AADACL4: variants seen among roughly 807,000 people sequenced by gnomAD.
AADACL4 encodes arylacetamide deacetylase-like 4.
In AADACL4, 9 loss-of-function variants were observed where a neutral mutation model predicts 14.1. The observed-to-expected ratio is 0.64, with a 90% CI of 0.39 to 1.12. The LOEUF (loss-of-function observed/expected upper bound fraction) is 1.12, where lower values mean the gene tolerates loss of function less well. AADACL4 is among the 50% of genes most tolerant of loss of function. The pLI is 0.01. For synonymous variants in AADACL4, 188 were observed against 201.6 expected (o/e 0.93, Z 0.57); for missense variants, 531 against 516.1 (o/e 1.03, Z -0.28).
chr1:12,658,097 TTCTC>T (rs747258829), intron 2 of AADACL4, among the ~76,000 whole-genome samples: 2 of 130,204 alleles, frequency 1.5e-5, no homozygotes, highest in Admixed American at 7.6e-5. Flanking sequence ...TTCTCTTTCT[TTCTC>T]TCTTTCTTTC....
At chr1:12,661,447 T>A (rs1317079674) in intron 2 of AADACL4, among the ~76,000 whole-genome samples, 2 of 152,196 alleles carry the variant, frequency 1.3e-5, no homozygotes, top group African/African-American at 4.8e-5. Flanking sequence ...AATATAAATT[T>A]ATAGTTATTA....
intron 2 of AADACL4, among the ~76,000 whole-genome samples, chr1:12,652,642 T>G (rs1475933323): frequency 6.6e-6 from 1 of 152,196 alleles, no homozygotes; most frequent in Non-Finnish European, 1.5e-5. Flanking sequence ...AATGCTACCT[T>G]TATGCATTTC....
At chr1:12,658,166 T>TTCTTTCTTTCTTTTTTTCTTTCTTTC (rs368484346) in intron 2 of AADACL4, among the ~76,000 whole-genome samples, 2 of 122,826 alleles carry the variant, frequency 1.6e-5, no homozygotes, top group African/African-American at 9.7e-5. Flanking sequence ...CTTTCTTTCT[T>TTCTTTCTTTCTTTTTTTCTTTCTTTC]TTTCTCTTTC....
rs889538994 is a variant in AADACL4, at chr1:12,661,956, C to T, written c.449+102C>T. On this transcript the variant is annotated intron_variant, in intron 3 of 3. Coordinates refer to ENST00000376221, the MANE Select transcript of AADACL4 (RefSeq NM_001013630.2). ...CAGAGAGGCCCTAACTCCCAAGAGGCAACTCTTGGACATGCATCCACAGAG... is the reference window on the plus strand; with the variant it reads ...CAGAGAGGCCCTAACTCCCAAGAGGTAACTCTTGGACATGCATCCACAGAG... 3 of 1,290,142 alleles carry T rather than the reference C, an allele frequency of 2.3e-6. No homozygotes were observed. In the African/African-American group the frequency reaches 4.4e-5, roughly 19 times the overall value. 79.9% of individuals were successfully genotyped at this position (1,290,142 alleles called of 1,614,324 possible).
chr1:12,651,184 A>G lies in AADACL4; in HGVS notation c.230A>G (p.Asp77Gly). Residue 77 changes from aspartate to glycine, a missense_variant, in exon 2 of 4, where the codon GAT becomes GGT. Transcript: ENST00000376221. The stretch of plus-strand genomic sequence containing the variant: ...CCCAAATTTATTCGTTTTTTACATG[A>G]TAGCGTGAGAATTAAAAAGGACCCT... ...SMPKFIRFLH[D>G]SVRIKKDPEL... The G allele has an allele frequency of 6.2e-7, 1 of 1,614,208 alleles. No individual in the cohort carries two copies. Among genetic ancestry groups the G allele is most frequent in the Non-Finnish European group, 8.5e-7 (1 of 1,180,046 alleles).
At position 12,651,313 on chromosome 1, in the gene AADACL4, G is replaced by C. The variant is rs1647144442; in HGVS notation, c.359G>C (p.Gly120Ala). The C allele has an allele frequency of 6.2e-7, 1 of 1,614,214 alleles. No individual in the cohort carries two copies. The highest frequency in any genetic ancestry group is 2.2e-5 in the East Asian group (1 of 44,886). The change falls in exon 2 of 4, where the codon GGA (glycine) becomes GCA (alanine). Residue 120 changes from glycine (G) to alanine (A), a missense_variant. By Grantham distance (60) the Gly-to-Ala change is moderately conservative (BLOSUM62 0). Coordinates refer to ENST00000376221, the MANE Select transcript of AADACL4 (RefSeq NM_001013630.2). ...CGGCGAGGCATCATCTTCTACCATG[G>C]AGGGGCCACAGTATTTGGGAGCCTG... ...RPRRGIIFYH[G>A]GATVFGSLDC...
At chr1:12,648,369 C>T (rs1333750478) in intron 1 of AADACL4, among the ~76,000 whole-genome samples, 1 of 149,350 alleles carries the variant, frequency 6.7e-6, no homozygotes, top group Non-Finnish European at 1.5e-5. Context: ...TCCTTCCTTC[C>T]TTCCTTCCTT....
At chr1:12,658,127 C>CGTT (rs1557550825) in intron 2 of AADACL4, among the ~76,000 whole-genome samples, 1 of 119,448 alleles carries the variant, frequency 8.4e-6, no homozygotes, top group Non-Finnish European at 1.6e-5. Flanking sequence ...TTCCTTCCTT[C>CGTT]CTTCCTTCCT....
chr1:12,662,134 A>G (rs1647238794), intron 3 of AADACL4, among the ~76,000 whole-genome samples: 1 of 152,242 alleles, frequency 6.6e-6, no homozygotes, highest in East Asian at 1.9e-4. Context: ...TAAATAAATG[A>G]ACTAGAAAGG....
chr1:12,666,818 G>A lies in AADACL4; in HGVS notation c.*83G>A, dbSNP rs1647351622. 7.4e-7 allele frequency: 1 copy of A among 1,350,934 alleles called. No homozygotes were observed. The highest frequency in any genetic ancestry group is 1.5e-5 in the African/African-American group (1 of 68,402). The allele number at this position is 1,350,934 out of a possible 1,614,324, so 83.7% of individuals were successfully genotyped here. A position where few individuals can be genotyped will look rare whatever the true frequency, so the allele number is the denominator to read the frequency against. On this transcript the variant is annotated 3_prime_UTR_variant, in exon 4 of 4. Coordinates refer to ENST00000376221, the MANE Select transcript of AADACL4 (RefSeq NM_001013630.2). Reference sequence around the variant, plus strand: ...GTGCTTTAGTGAGTTCTATTTTATTGACTAAAGAGGTGCTACATCAATGCT... The same window carrying A: ...GTGCTTTAGTGAGTTCTATTTTATTAACTAAAGAGGTGCTACATCAATGCT...
At chr1:12,652,279 C>T (rs1463953353) in intron 2 of AADACL4, among the ~76,000 whole-genome samples, 4 of 152,216 alleles carry the variant, frequency 2.6e-5, no homozygotes, top group East Asian at 1.9e-4. Flanking sequence ...TCCCAATACG[C>T]GTCTATCTGC....
At chr1:12,647,659 CT>C (rs113499990) in intron 1 of AADACL4, among the ~76,000 whole-genome samples, 5,447 of 143,776 alleles carry the variant, frequency 0.038, 266 homozygotes, top group African/African-American at 0.12. Context: ...TTCTTTCTTT[CT>C]TTTTTTTTTT....
intron 1 of AADACL4, among the ~76,000 whole-genome samples, chr1:12,650,693 CA>C (rs763296690): frequency 3.4e-4 from 52 of 152,216 alleles, no homozygotes; most frequent in Middle Eastern, 3.4e-3. Context: ...CCACCATGCC[CA>C]GCTGATTTTT....
At chr1:12,655,993 C>T (rs760005302) in intron 2 of AADACL4, among the ~76,000 whole-genome samples, 2 of 152,098 alleles carry the variant, frequency 1.3e-5, no homozygotes, top group African/African-American at 2.4e-5. Context: ...GGCCATTGCA[C>T]CCTATTTTCC....
intron 1 of AADACL4, among the ~76,000 whole-genome samples, chr1:12,650,501 G>A (rs1242468989): frequency 6.6e-6 from 1 of 151,506 alleles, no homozygotes; most frequent in Non-Finnish European, 1.5e-5. Flanking sequence ...GAGGGAAGTT[G>A]CTGGCCAGTT....
intron 3 of AADACL4, 83 bp downstream of exon 3, chr1:12,661,937 G>A: frequency 6.9e-7 from 1 of 1,450,026 alleles, no homozygotes; most frequent in South Asian, 1.1e-5. Context: ...AGATCAGAGA[G>A]GCCCTAACTC....
intron 3 of AADACL4, among the ~76,000 whole-genome samples, chr1:12,662,853 A>T (rs1647251196): frequency 6.6e-6 from 1 of 152,176 alleles, no homozygotes. Context: ...GTGGCTTACC[A>T]TTGTGTCTGA....
chr1:12,659,194 G>C (rs780604305), intron 2 of AADACL4, among the ~76,000 whole-genome samples: 1 of 152,172 alleles, frequency 6.6e-6, no homozygotes, highest in Non-Finnish European at 1.5e-5. Flanking sequence ...ACAGTCTCTA[G>C]CTGGATCTGT....
chr1:12,648,880 T>C (rs968170080), intron 1 of AADACL4, among the ~76,000 whole-genome samples: 2 of 152,178 alleles, frequency 1.3e-5, no homozygotes, highest in Non-Finnish European at 2.9e-5. Context: ...CATCACACGG[T>C]ACAGCGTGAT....
Sources: gnomAD v4.1 joint callset for allele counts (sites outside exome capture counted in the v4.1 genomes callset) on GRCh38, gnomAD v4.1.1 for gene constraint, MANE v1.5 for transcripts, NCBI Gene and HGNC (gene_info 2026-07-23, HGNC 2026-07-21) for gene names.